ALDH1A2: variants seen among roughly 807,000 people sequenced by gnomAD.
ALDH1A2 encodes the protein aldehyde dehydrogenase 1 family member A2.
In ALDH1A2, 27 loss-of-function variants were observed where a neutral mutation model predicts 60.3. The observed-to-expected ratio is 0.45, with a 90% CI of 0.33 to 0.62. The LOEUF (loss-of-function observed/expected upper bound fraction) is 0.62. ALDH1A2 is among the 20% of genes least tolerant of loss of function. The pLI is 0.02. For synonymous variants in ALDH1A2, 289 were observed against 232.4 expected (o/e 1.24, Z -2.21); for missense variants, 581 against 643.8 (o/e 0.90, Z 1.06).
rs61170362 is a variant in ALDH1A2, at chr15:57,974,432, CAAAAAA to C, written c.799-8611_799-8606del. ...TGGGTGACAGAGCGAGACTCCATCT[CAAAAAA>C]AAAAAAAAAAAAAAAGAAAGAAATA... is the stretch of plus-strand genomic sequence containing the variant. On this transcript the variant is annotated intron_variant, in intron 7 of 12. Transcript: ENST00000249750. 4.5e-3 allele frequency among the ~76,000 whole-genome samples: 431 copies of C among 96,678 alleles called. 2 individuals carry two copies. Among genetic ancestry groups the C allele is most frequent in the African/African-American group, 0.014 (317 of 22,098 alleles). 63.4% of individuals were successfully genotyped at this position (96,678 alleles called of 152,430 possible).
intron 7 of ALDH1A2, among the ~76,000 whole-genome samples, chr15:57,986,497 AAAC>A (rs1271536296): frequency 6.6e-6 from 1 of 151,792 alleles, no homozygotes. Flanking sequence ...CTTTAAAGAA[AAAC>A]AACAAAATCT....
Position 57,954,735 on chromosome 15 carries a change from C to T in ALDH1A2, c.*462G>A, listed in dbSNP as rs1191647050. The T allele has an allele frequency of 1.1e-5, 2 of 189,188 alleles. No individual in the cohort carries two copies. The highest frequency in any genetic ancestry group is 1.1e-5 in the Non-Finnish European group (1 of 88,240). The allele number at this position is 189,188 out of a possible 1,614,324, so 11.7% of individuals were successfully genotyped here. ...CAACCTTGAAAAATTGTTCCCGGCC[C>T]AAACATCTGCCCCAGAATGAGCTCA... On this transcript the variant is annotated 3_prime_UTR_variant, in exon 13 of 13. Coordinates refer to ENST00000249750, the MANE Select transcript of ALDH1A2 (RefSeq NM_003888.4).
At chr15:58,050,290 T>C (rs568756167) in intron 1 of ALDH1A2, among the ~76,000 whole-genome samples, 2 of 152,264 alleles carry the variant, frequency 1.3e-5, no homozygotes, top group East Asian at 1.9e-4. Flanking sequence ...CAGTTAATTT[T>C]ACATTAAAAT....
At chr15:57,972,142 G>T (rs575022281) in intron 7 of ALDH1A2, among the ~76,000 whole-genome samples, 51 of 119,456 alleles carry the variant, frequency 4.3e-4, no homozygotes, top group African/African-American at 1.4e-3. Flanking sequence ...TTTTATAATT[G>T]GAAAAAAAGA....
At chr15:58,054,114 G>A (rs933382504) in intron 1 of ALDH1A2, among the ~76,000 whole-genome samples, 1 of 152,072 alleles carries the variant, frequency 6.6e-6, no homozygotes. Flanking sequence ...AACTACAAAG[G>A]TTCCCAGGCA....
At chr15:57,964,216 T>A in intron 8 of ALDH1A2, 147 bp from the exon 9 acceptor site, 1 of 730,760 alleles carries the variant, frequency 1.4e-6, no homozygotes, top group Non-Finnish European at 2.3e-6. Context: ...GGAATGCAAC[T>A]AGTTCTAACT....
intron 1 of ALDH1A2, among the ~76,000 whole-genome samples, chr15:58,023,561 G>C (rs1219546339): frequency 6.8e-6 from 1 of 147,896 alleles, no homozygotes; most frequent in Non-Finnish European, 1.5e-5. Flanking sequence ...AAAGCATCTA[G>C]TCACCTATAA....
At chr15:58,029,270 T>C (rs1000493582) in intron 1 of ALDH1A2, among the ~76,000 whole-genome samples, 7 of 152,160 alleles carry the variant, frequency 4.6e-5, no homozygotes, top group Non-Finnish European at 7.3e-5. Flanking sequence ...ACATGGAAAC[T>C]GAACAACCTG....
At chr15:57,996,348 C>G (rs1207225099) in intron 4 of ALDH1A2, among the ~76,000 whole-genome samples, 3 of 151,824 alleles carry the variant, frequency 2.0e-5, no homozygotes, top group Non-Finnish European at 4.4e-5. Flanking sequence ...TCTCTATCCT[C>G]TGGATCTCTG....
At chr15:58,032,412 T>A (rs11629553) in intron 1 of ALDH1A2, among the ~76,000 whole-genome samples, 2 of 151,794 alleles carry the variant, frequency 1.3e-5, no homozygotes, top group Non-Finnish European at 2.9e-5. Context: ...GTTAAATGAG[T>A]AGTTAATGGG....
chr15:58,057,735 C>T (rs1337808776), intron 1 of ALDH1A2, among the ~76,000 whole-genome samples: 1 of 152,038 alleles, frequency 6.6e-6, no homozygotes, highest in Non-Finnish European at 1.5e-5. Flanking sequence ...CACTCCACAC[C>T]CAAATGGGAA....
chr15:58,027,005 C>A (rs1198705335), intron 1 of ALDH1A2, among the ~76,000 whole-genome samples: 2 of 152,192 alleles, frequency 1.3e-5, no homozygotes, highest in Non-Finnish European at 2.9e-5. Context: ...AAGACAGGGA[C>A]AGCTCTGAAG....
intron 7 of ALDH1A2, among the ~76,000 whole-genome samples, chr15:57,992,409 GCTT>G (rs1894926004): frequency 6.6e-6 from 1 of 152,198 alleles, no homozygotes; most frequent in African/African-American, 2.4e-5. Context: ...TAGATTTCCA[GCTT>G]CTTAACTTGC....
chr15:57,980,937 G>C (rs1002978548), intron 7 of ALDH1A2, among the ~76,000 whole-genome samples: 13 of 152,240 alleles, frequency 8.5e-5, no homozygotes, highest in Admixed American at 2.6e-4. Context: ...TTGGTGGGTA[G>C]GCTATTAATT....
chr15:57,954,368 A>C lies in ALDH1A2; in HGVS notation c.*829T>G, dbSNP rs1318383078. On this transcript the variant is annotated 3_prime_UTR_variant, in exon 13 of 13. Coordinates refer to ENST00000249750, the MANE Select transcript of ALDH1A2 (RefSeq NM_003888.4). ...ATTGTTTTTTGGTTGGTTCTAAGAA[A>C]AACTTTGGAAAAGATCTTATCTAGC... 3 of 152,788 alleles carry C rather than the reference A, an allele frequency of 2.0e-5. No individual in the cohort carries two copies. The highest frequency in any genetic ancestry group is 7.2e-5 in the African/African-American group (3 of 41,454). The allele number at this position is 152,788 out of a possible 1,614,324, so 9.5% of individuals were successfully genotyped here. A position where few individuals can be genotyped will look rare whatever the true frequency, so the allele number is the denominator to read the frequency against.
intron 1 of ALDH1A2, among the ~76,000 whole-genome samples, chr15:58,021,539 G>A (rs985913715): frequency 2.0e-5 from 3 of 152,134 alleles, no homozygotes; most frequent in African/African-American, 4.8e-5. Context: ...CCCAAGCCCC[G>A]AAACTAACAC....
chr15:57,991,914 T>C (rs1894907207), intron 7 of ALDH1A2, among the ~76,000 whole-genome samples: 1 of 152,200 alleles, frequency 6.6e-6, no homozygotes, highest in Non-Finnish European at 1.5e-5. Flanking sequence ...GATATTTGAG[T>C]AACATTTATA....
At chr15:58,040,384 C>A (rs891219011) in intron 1 of ALDH1A2, among the ~76,000 whole-genome samples, 1 of 151,980 alleles carries the variant, frequency 6.6e-6, no homozygotes, top group Middle Eastern at 3.4e-3. Context: ...ATCTAGGGAG[C>A]AGAATTTCCT....
At chr15:57,996,671 A>G (rs560464996) in intron 4 of ALDH1A2, among the ~76,000 whole-genome samples, 134 of 152,094 alleles carry the variant, frequency 8.8e-4, no homozygotes, top group African/African-American at 2.8e-3. Context: ...CATTACAAAC[A>G]TATCTTTTCA....
Sources: gnomAD v4.1 joint callset for allele counts (sites outside exome capture counted in the v4.1 genomes callset) on GRCh38, gnomAD v4.1.1 for gene constraint, MANE v1.5 for transcripts, NCBI Gene and HGNC (gene_info 2026-07-23, HGNC 2026-07-21) for gene names.